The following GATM variants were observed in gnomAD, a reference collection of about 807,000 sequenced individuals.
The protein encoded by GATM is glycine amidinotransferase, mitochondrial.
In GATM, 23 loss-of-function variants were observed where a neutral mutation model predicts 54.2. The ratio of observed to expected loss-of-function variants is 0.42; its 90% CI spans 0.31 to 0.60. The LOEUF is 0.60. Ranked by LOEUF, GATM falls within the 20% of genes least tolerant of loss-of-function variation. The probability of loss-of-function intolerance (pLI) is 0.14; values close to 1 mark genes in which losing one functional copy is unlikely to be tolerated. For missense variants in GATM, 401 were observed against 544.9 expected (o/e 0.74, Z 2.63); for synonymous variants, 168 against 183.1 (o/e 0.92, Z 0.67).
rs193168161 is a variant in GATM at position 45,393,209 on chromosome 15, C to G, written c.-319+3713G>C. 2.3e-4 allele frequency among the ~76,000 whole-genome samples: 35 copies of G among 152,190 alleles called. 1 individual carries two copies. The highest frequency in any genetic ancestry group is 4.6e-4 in the Non-Finnish European group (31 of 68,008). On this transcript the variant is annotated intron_variant, in intron 3 of 4. Coordinates refer to the GATM transcript ENST00000561148. ...TAAAATCAGGTGTAAAATTTTAAAG[C>G]CTTGTCTAAGGTCACATAACTATTA...
At position 45,378,517 on chromosome 15, in the gene GATM, C is replaced by T; in HGVS notation, c.-64G>A. ...GCCTCTGGGCCGCGTCGGTCCAAGC[C>T]TTCCCGAGAGCGCGCCCGGAGCGGG... is the stretch of plus-strand genomic sequence containing the variant. On this transcript the variant is annotated 5_prime_UTR_variant, in exon 1 of 9. Coordinates refer to ENST00000396659, the MANE Select transcript of GATM (RefSeq NM_001482.3). 3 of 1,276,416 alleles carry T rather than the reference C, an allele frequency of 2.4e-6. No individual in the cohort carries two copies. The highest frequency in any genetic ancestry group is 2.8e-4 in the Middle Eastern group (1 of 3,558). 79.1% of individuals were successfully genotyped at this position (1,276,416 alleles called of 1,614,324 possible).
intron 3 of GATM, among the ~76,000 whole-genome samples, chr15:45,392,701 T>G (rs1889885797): frequency 6.6e-6 from 1 of 152,232 alleles, no homozygotes; most frequent in African/African-American, 2.4e-5. Flanking sequence ...AGCATTGTAT[T>G]TGATCATCTT....
intron 1 of GATM, chr15:45,377,183 GACAGCTGCTCTAAA>G: frequency 2.1e-6 from 1 of 469,392 alleles, no homozygotes; most frequent in Admixed American, 2.3e-5. Flanking sequence ...GAAAACCATA[GACAGCTGCTCTAAA>G]ACTTCCCGCC....
rs1889370675 is a variant in GATM, at chr15:45,361,867, C to T, written c.*242G>A. The T allele has an allele frequency of 1.8e-6, 1 of 553,016 alleles. No homozygotes were observed. Among genetic ancestry groups the T allele is most frequent in the Non-Finnish European group, 3.2e-6 (1 of 313,192 alleles). 34.3% of individuals were successfully genotyped at this position (553,016 alleles called of 1,614,324 possible). A position where few individuals can be genotyped will look rare whatever the true frequency, so the allele number is the denominator to read the frequency against. On this transcript the variant is annotated 3_prime_UTR_variant, in exon 9 of 9. Coordinates refer to ENST00000396659, the MANE Select transcript of GATM (RefSeq NM_001482.3). ...CTAATTTTTTCTTGGTACACATTCACCAAAATTTTATACTTGAAGCCAAAT... is the reference window on the plus strand; with the variant it reads ...CTAATTTTTTCTTGGTACACATTCATCAAAATTTTATACTTGAAGCCAAAT...
exon 1 of GATM, chr15:45,402,124 A>T (rs916281706): frequency 2.4e-6 from 1 of 412,042 alleles, no homozygotes; most frequent in African/African-American, 2.1e-5. Context: ...ACCAAAGTAC[A>T]TGCTTAATGA....
intron 3 of GATM, among the ~76,000 whole-genome samples, chr15:45,391,686 CCACTTGG>C (rs1238251795): frequency 6.6e-6 from 1 of 152,182 alleles, no homozygotes; most frequent in African/African-American, 2.4e-5. Context: ...ATGAATTATA[CCACTTGG>C]TAAGATTCTG....
At chr15:45,396,650 C>A (rs866592036) in intron 3 of GATM, among the ~76,000 whole-genome samples, 1 of 152,130 alleles carries the variant, frequency 6.6e-6, no homozygotes, top group South Asian at 2.1e-4. Flanking sequence ...GTGGGCGGGT[C>A]ATGAGGTCAG....
rs954145807 is a variant in GATM at position 45,366,615 on chromosome 15, T to C, written c.676-107A>G. The C allele has an allele frequency of 4.0e-6, 5 of 1,236,922 alleles. No individual in the cohort carries two copies. The Middle Eastern group carries it at 8.0e-4, about 197-fold the overall frequency. 76.6% of individuals were successfully genotyped at this position (1,236,922 alleles called of 1,614,324 possible). On this transcript the variant is annotated intron_variant, in intron 4 of 8. Coordinates refer to ENST00000396659, the MANE Select transcript of GATM (RefSeq NM_001482.3). ...AGTTTAACATCATTTCCCAAAATAT[T>C]ACTACTCAGTTCTAGACTAAAACAT...
At position 45,368,375 on chromosome 15, in the gene GATM, G is replaced by A; in HGVS notation, c.485-115C>T. 2.4e-6 allele frequency: 2 copies of A among 840,112 alleles called. No individual in the cohort carries two copies. Among genetic ancestry groups the A allele is most frequent in the South Asian group, 1.4e-5 (1 of 69,432 alleles). The allele number at this position is 840,112 out of a possible 1,614,324, so 52.0% of individuals were successfully genotyped here. On this transcript the variant is annotated intron_variant, in intron 3 of 8. Transcript: ENST00000396659. This position sits in a 1 kb window ranked among gnomAD's most constrained non-coding sequence, Gnocchi z 5.1. ...GCCTGTAATCCCACCACTTTGGGAG[G>A]CCAAGACGGGCGGATCACTTGATCC...
intron 3 of GATM, among the ~76,000 whole-genome samples, chr15:45,390,366 AAAG>A (rs1263411553): frequency 1.3e-5 from 2 of 152,244 alleles, no homozygotes; most frequent in Admixed American, 6.5e-5. Flanking sequence ...AATATTACAA[AAAG>A]AAGGAGCTAG....
chr15:45,370,026 A>G (rs1422486675), intron 2 of GATM, among the ~76,000 whole-genome samples: 6 of 152,162 alleles, frequency 3.9e-5, no homozygotes, highest in Non-Finnish European at 7.4e-5. Context: ...AAAAAAAAAG[A>G]TATTTTGCCC....
intron 3 of GATM, among the ~76,000 whole-genome samples, chr15:45,383,882 A>G (rs1889774324): frequency 6.6e-6 from 1 of 152,202 alleles, no homozygotes; most frequent in South Asian, 2.1e-4. Context: ...TCTAATAATA[A>G]TAACTACTAT....
At chr15:45,401,253 C>T (rs1483891447) in intron 1 of GATM, among the ~76,000 whole-genome samples, 2 of 152,106 alleles carry the variant, frequency 1.3e-5, no homozygotes, top group African/African-American at 4.8e-5. Context: ...GTCTTAAGAT[C>T]CCAGATCTGA....
intron 7 of GATM, 66 bp downstream of exon 7, chr15:45,364,731 T>C (rs1889421024): frequency 2.1e-6 from 3 of 1,425,320 alleles, no homozygotes; most frequent in Non-Finnish European, 3.0e-6. Flanking sequence ...CTGCTCTCTA[T>C]AGGAGAAAGA....
intron 2 of GATM, chr15:45,373,195 CA>C (rs1230493259): frequency 1.3e-5 from 2 of 151,984 alleles, no homozygotes; most frequent in Non-Finnish European, 2.9e-5. Context: ...AAGACAAAAG[CA>C]AAACAAAAAA....
At chr15:45,377,382 A>T (rs2140658671) in intron 1 of GATM, 1 of 404,432 alleles carries the variant, frequency 2.5e-6, no homozygotes, top group East Asian at 7.0e-5. Flanking sequence ...TACACTTCGC[A>T]TTCTTTGGCA....
In GATM at chr15:45,368,817, A is replaced by G. The variant is rs1045347825; in HGVS notation, c.484+509T>C. Among the ~76,000 whole-genome samples, 1 of 152,072 alleles carries G rather than the reference A, an allele frequency of 6.6e-6. No homozygotes were observed. Among genetic ancestry groups the G allele is most frequent in the African/African-American group, 2.4e-5 (1 of 41,390 alleles). ...AGTGAAGGAATAAAGTCCTTGTACA[A>G]AGAGATCTTGAACCACCAAGCTTTC... On this transcript the variant is annotated intron_variant, in intron 3 of 8. Coordinates refer to ENST00000396659, the MANE Select transcript of GATM (RefSeq NM_001482.3). This position sits in a 1 kb window ranked among gnomAD's most constrained non-coding sequence, Gnocchi z 5.1.
chr15:45,376,142 G>C (rs1172752227), intron 2 of GATM, among the ~76,000 whole-genome samples: 2 of 152,142 alleles, frequency 1.3e-5, no homozygotes, highest in East Asian at 3.8e-4. Context: ...CAGGTGGCTG[G>C]CAACTGAACT....
At chr15:45,371,371 G>T (rs542879376) in intron 2 of GATM, among the ~76,000 whole-genome samples, 1 of 152,254 alleles carries the variant, frequency 6.6e-6, no homozygotes, top group South Asian at 2.1e-4. Flanking sequence ...GTTAAAGCAG[G>T]TATTTTAAAA....
Sources: gnomAD v4.1 joint callset for allele counts (sites outside exome capture counted in the v4.1 genomes callset) on GRCh38, gnomAD v4.1.1 for gene constraint, Gnocchi (gnomAD v3.1) non-coding constraint, MANE v1.5 for transcripts, NCBI Gene and HGNC (gene_info 2026-07-23, HGNC 2026-07-21) for gene names.